The following PPP1R13B variants were observed in gnomAD, a reference collection of about 807,000 sequenced individuals.
PPP1R13B encodes the protein protein phosphatase 1 regulatory subunit 13B, also known as apoptosis-stimulating of p53 protein 1.
A neutral mutation model predicts 119.8 loss-of-function variants in PPP1R13B; 44 were observed. The observed-to-expected ratio is 0.37, with a 90% CI of 0.29 to 0.47. PPP1R13B has a LOEUF of 0.47. PPP1R13B is among the 20% of genes least tolerant of loss of function. The pLI, the probability that PPP1R13B is intolerant of heterozygous loss-of-function variation, is 0.99. For missense variants in PPP1R13B, 1,227 were observed against 1,413.5 expected (o/e 0.87, Z 2.12); for synonymous variants, 542 against 561.5 (o/e 0.97, Z 0.49).
chr14:103,756,631 C>A (rs753434024), intron 5 of PPP1R13B, among the ~76,000 whole-genome samples: 1 of 152,186 alleles, frequency 6.6e-6, no homozygotes, highest in Non-Finnish European at 1.5e-5. Context: ...TCATTGTCTT[C>A]GTGGCCCTGA....
At chr14:103,753,454 C>T (rs1053231314) in intron 6 of PPP1R13B, among the ~76,000 whole-genome samples, 1 of 152,156 alleles carries the variant, frequency 6.6e-6, no homozygotes, top group Non-Finnish European at 1.5e-5. Context: ...GTTCAAGTGA[C>T]TTAGAAATCT....
intron 1 of PPP1R13B, among the ~76,000 whole-genome samples, chr14:103,817,551 G>C (rs1378491011): frequency 6.6e-6 from 1 of 152,000 alleles, no homozygotes; most frequent in East Asian, 1.9e-4. Context: ...GTTCAAAGTA[G>C]GGTACATACA....
At position 103,738,865 on chromosome 14, in the gene PPP1R13B, T is replaced by C. The variant is rs763672868; in HGVS notation, c.2730+21A>G. On this transcript the variant is annotated intron_variant, in intron 13 of 16. Coordinates refer to ENST00000202556, the MANE Select transcript of PPP1R13B (RefSeq NM_015316.3). The surrounding 1 kb of genome is among the most constrained non-coding windows in gnomAD (Gnocchi z 5.6). ...TCCCCTCGCCCCCAGCAGCGTGCAC[T>C]GGTCCCCGGCTGCAGCTCACCTCAT... The C allele has an allele frequency of 1.9e-6, 3 of 1,613,110 alleles. No homozygotes were observed. The highest frequency in any genetic ancestry group is 2.2e-5 in the South Asian group (2 of 91,066).
chr14:103,734,360 C>G lies in PPP1R13B; in HGVS notation c.*794G>C. On this transcript the variant is annotated 3_prime_UTR_variant, in exon 17 of 17. Coordinates refer to ENST00000202556, the MANE Select transcript of PPP1R13B (RefSeq NM_015316.3). ...CAACCACCCTCCGCTGCCACGGCCT[C>G]CAGCACCTGACTCCATTCAGGGAAC... 1 of 381,372 alleles carries G rather than the reference C, an allele frequency of 2.6e-6. No individual in the cohort carries two copies. The allele number at this position is 381,372 out of a possible 1,614,324, so 23.6% of individuals were successfully genotyped here.
chr14:103,774,655 C>A (rs746354211), intron 4 of PPP1R13B, among the ~76,000 whole-genome samples: 3 of 152,166 alleles, frequency 2.0e-5, no homozygotes, highest in East Asian at 1.9e-4. Context: ...CACACTCCCC[C>A]CTTTCTTCAC....
chr14:103,797,726 T>C (rs2085793376), intron 1 of PPP1R13B, among the ~76,000 whole-genome samples: 1 of 150,402 alleles, frequency 6.6e-6, no homozygotes, highest in South Asian at 2.1e-4. Flanking sequence ...AGGAGAGTAA[T>C]AGAAAAGAAA....
upstream of PPP1R13B, chr14:103,848,432 A>G (rs2087125735): frequency 1.0e-6 from 1 of 985,202 alleles, no homozygotes; most frequent in Non-Finnish European, 1.2e-6. Flanking sequence ...CCCTGAGCAG[A>G]CCCTCAGTAA....
chr14:103,792,080 C>A (rs550593634), intron 2 of PPP1R13B, among the ~76,000 whole-genome samples: 1 of 151,828 alleles, frequency 6.6e-6, no homozygotes, highest in South Asian at 2.1e-4. Context: ...TTTAAATATA[C>A]CAAGTCTGAA....
chr14:103,759,074 TCA>T (rs2084743893), intron 4 of PPP1R13B: 1 of 151,778 alleles, frequency 6.6e-6, no homozygotes, highest in Non-Finnish European at 1.5e-5. Flanking sequence ...TTCTCCTGCC[TCA>T]GTCTCCCGAA....
Position 103,792,455 on chromosome 14 carries a change from G to A in PPP1R13B, c.157+4916C>T, listed in dbSNP as rs151230891. On this transcript the variant is annotated intron_variant, in intron 2 of 16. Transcript: ENST00000202556. ...GGCCTCAAGTGCTGGGATTACAGGT[G>A]TGAGCTACTGCACCTGGCAAAATTT... Among the ~76,000 whole-genome samples, 713 of 152,270 alleles carry A rather than the reference G, an allele frequency of 4.7e-3. 7 individuals are homozygous for A. Among genetic ancestry groups the A allele is most frequent in the African/African-American group, 0.016 (667 of 41,554 alleles).
chr14:103,751,391 G>A (rs998987246), intron 7 of PPP1R13B, among the ~76,000 whole-genome samples: 11 of 152,202 alleles, frequency 7.2e-5, no homozygotes, highest in African/African-American at 2.7e-4. Flanking sequence ...ACTCTATGTA[G>A]TTAAATACCC....
At chr14:103,800,515 G>A (rs193282422) in intron 1 of PPP1R13B, among the ~76,000 whole-genome samples, 22 of 152,054 alleles carry the variant, frequency 1.4e-4, no homozygotes, top group Admixed American at 4.6e-4. Flanking sequence ...TTAGCCAGGC[G>A]TGGTGGCCCG....
Position 103,837,446 on chromosome 14 carries a change from GA to G in PPP1R13B, c.9+9852del, listed in dbSNP as rs1184380214. On this transcript the variant is annotated intron_variant, in intron 1 of 16. Coordinates refer to ENST00000202556, the MANE Select transcript of PPP1R13B (RefSeq NM_015316.3). ...TCAAGCAGTATTTTCTATCTTAAAG[GA>G]AAGGCAAGCCTGGCTGCTGAAGCAA... 2.0e-5 allele frequency among the ~76,000 whole-genome samples: 3 copies of G among 152,014 alleles called. No individual in the cohort carries two copies. The East Asian group carries it at 5.8e-4, about 29-fold the overall frequency.
At chr14:103,800,345 T>G (rs1017724165) in intron 1 of PPP1R13B, among the ~76,000 whole-genome samples, 3 of 151,866 alleles carry the variant, frequency 2.0e-5, no homozygotes, top group African/African-American at 7.3e-5. Context: ...CATATGATTT[T>G]AGTTTGTTGT....
At chr14:103,840,198 CCA>C (rs1199012875) in intron 1 of PPP1R13B, 2 of 152,210 alleles carry the variant, frequency 1.3e-5, no homozygotes, top group Non-Finnish European at 1.5e-5. Context: ...AGCCCTAGAA[CCA>C]CAGTTTGTGA....
intron 1 of PPP1R13B, among the ~76,000 whole-genome samples, chr14:103,811,094 CAAAAAAA>C (rs36017203): frequency 6.1e-5 from 4 of 65,844 alleles, no homozygotes; most frequent in Non-Finnish European, 8.4e-5. Flanking sequence ...GACTCCTCCT[CAAAAAAA>C]AAAAAAAAAA....
intron 4 of PPP1R13B, among the ~76,000 whole-genome samples, chr14:103,772,962 C>T (rs577034497): frequency 3.3e-5 from 5 of 152,262 alleles, no homozygotes; most frequent in East Asian, 1.9e-4. Context: ...CCATTGAGCT[C>T]GGCCTATTTC....
At position 103,814,470 on chromosome 14, in the gene PPP1R13B, C is replaced by T. The variant is rs141656504; in HGVS notation, c.10-16952G>A. Reference sequence around the variant, plus strand: ...ACTCCAAAGCTTAAGCTTTAAACCACTACTCTAAAATGCTTCAAAATAAAA... The same window carrying T: ...ACTCCAAAGCTTAAGCTTTAAACCATTACTCTAAAATGCTTCAAAATAAAA... On this transcript the variant is annotated intron_variant, in intron 1 of 16. Transcript: ENST00000202556. 8.8e-4 allele frequency among the ~76,000 whole-genome samples: 134 copies of T among 152,246 alleles called. 3 individuals are homozygous for T. In the East Asian group the frequency reaches 0.02, roughly 23 times the overall value.
rs373887711 is a variant in PPP1R13B at position 103,749,881 on chromosome 14, T to A, written c.882A>T (p.Glu294Asp). ...CCTCCATGTTGCGCTTATTTAAGAG[T>A]TCCTTCTGCTGCTGAAGTTTTGAAT... ...EQNSKLQQQK[E>D]LLNKRNMEVA... The change falls in exon 8 of 17, where the codon GAA becomes GAT. Residue 294 changes from glutamate to aspartate, a missense_variant. Transcript: ENST00000202556. The A allele has an allele frequency of 2.6e-5, 42 of 1,614,198 alleles. No homozygotes were observed. The highest frequency in any genetic ancestry group is 3.1e-5 in the Non-Finnish European group (37 of 1,180,036).
Sources: allele counts gnomAD v4.1 joint callset (sites outside exome capture counted in the v4.1 genomes callset), GRCh38; gene constraint gnomAD v4.1.1; non-coding constraint Gnocchi (gnomAD v3.1); transcripts MANE v1.5; gene names NCBI Gene and HGNC (gene_info 2026-07-23, HGNC 2026-07-21).